TAF4B: variants seen among roughly 807,000 people sequenced by gnomAD.
The protein encoded by TAF4B is TATA-box binding protein associated factor 4b, also known as transcription initiation factor TFIID subunit 4B.
A neutral mutation model predicts 86.4 loss-of-function variants in TAF4B; 38 were observed. The ratio of observed to expected loss-of-function variants is 0.44; its 90% CI spans 0.34 to 0.58. TAF4B has a LOEUF of 0.58. Ranked by LOEUF, TAF4B falls within the 20% of genes least tolerant of loss-of-function variation. The pLI is 0.02. For synonymous variants in TAF4B, 388 were observed against 391.2 expected (o/e 0.99, Z 0.10); for missense variants, 988 against 1,027.6 (o/e 0.96, Z 0.53).
chr18:26,324,510 T>C (rs2056988991), intron 11 of TAF4B, among the ~76,000 whole-genome samples: 1 of 152,216 alleles, frequency 6.6e-6, no homozygotes, highest in Admixed American at 6.5e-5. Flanking sequence ...ATTTATTGAA[T>C]GGCATTCAAA....
At position 26,231,344 on chromosome 18, in the gene TAF4B, GGT is replaced by G. The variant is rs781543630; in HGVS notation, c.343+4069_343+4070del. Among the ~76,000 whole-genome samples, 54 of 60,820 alleles carry G rather than the reference GGT, an allele frequency of 8.9e-4. 1 individual carries two copies. The East Asian group carries it at 9.8e-3, about 11-fold the overall frequency. 39.9% of individuals were successfully genotyped at this position (60,820 alleles called of 152,430 possible). A position where few individuals can be genotyped will look rare whatever the true frequency, so the allele number is the denominator to read the frequency against. On this transcript the variant is annotated intron_variant, in intron 1 of 14. Transcript: ENST00000269142. The stretch of plus-strand genomic sequence containing the variant: ...AGATGTGAGCCACCCAGCTGCTTGG[GGT>G]TTTTTTTTTTTTTTTTTTTTTTTGG...
chr18:26,289,154 T>G (rs538653924), intron 7 of TAF4B, among the ~76,000 whole-genome samples: 142 of 122,686 alleles, frequency 1.2e-3, no homozygotes, highest in African/African-American at 4.1e-3. Context: ...TCAAATAAAC[T>G]AAGTTAGAAA....
At chr18:26,353,504 G>T (rs879789269) in intron 13 of TAF4B, among the ~76,000 whole-genome samples, 3 of 152,216 alleles carry the variant, frequency 2.0e-5, no homozygotes, top group Non-Finnish European at 2.9e-5. Context: ...GCCAAGGCCG[G>T]TGGATAGCTT....
At chr18:26,386,496 C>G (rs1978374880) in intron 14 of TAF4B, among the ~76,000 whole-genome samples, 1 of 152,114 alleles carries the variant, frequency 6.6e-6, no homozygotes, top group Non-Finnish European at 1.5e-5. Context: ...ACAGCATGAA[C>G]ACATTCATGT....
Position 26,306,059 on chromosome 18 carries a change from A to G in TAF4B, c.1833-9170A>G, listed in dbSNP as rs796515916. Among the ~76,000 whole-genome samples the G allele has an allele frequency of 2.0e-5, 3 of 152,266 alleles. No homozygotes were observed. In the South Asian group the frequency reaches 6.2e-4, roughly 31 times the overall value. ...CTCATATTCAGAAAAACTGAATTGC[A>G]AGGATCACGGTCTGTGGTGTTAGGG... On this transcript the variant is annotated intron_variant, in intron 9 of 14. Transcript: ENST00000269142.
At chr18:26,254,906 CCTG>C (rs1165349850) in intron 1 of TAF4B, among the ~76,000 whole-genome samples, 1 of 152,162 alleles carries the variant, frequency 6.6e-6, no homozygotes, top group Non-Finnish European at 1.5e-5. Context: ...CTCAGTCTGT[CCTG>C]CTTAATAATC....
chr18:26,283,773 A>G (rs1247103289), intron 6 of TAF4B, among the ~76,000 whole-genome samples: 1 of 152,182 alleles, frequency 6.6e-6, no homozygotes, highest in African/African-American at 2.4e-5. Context: ...GTCGTTGGCC[A>G]GGCGTGGTGG....
At chr18:26,231,689 G>T (rs768308406) in intron 1 of TAF4B, among the ~76,000 whole-genome samples, 1 of 152,052 alleles carries the variant, frequency 6.6e-6, no homozygotes, top group Admixed American at 6.6e-5. Flanking sequence ...TCCAGAGTTG[G>T]TTCCTTCTGG....
At chr18:26,269,652 T>A (rs1043254129) in intron 3 of TAF4B, among the ~76,000 whole-genome samples, 8 of 152,188 alleles carry the variant, frequency 5.3e-5, no homozygotes, top group Non-Finnish European at 1.0e-4. Flanking sequence ...TTAAACGTAA[T>A]ATTTTTCTAC....
At chr18:26,336,351 G>T (rs1306494022) in intron 13 of TAF4B, among the ~76,000 whole-genome samples, 3 of 152,132 alleles carry the variant, frequency 2.0e-5, no homozygotes, top group Admixed American at 2.0e-4. Flanking sequence ...AGCAGCAGCA[G>T]GTTATTTATG....
intron 10 of TAF4B, among the ~76,000 whole-genome samples, chr18:26,316,664 C>T (rs1455994203): frequency 1.3e-5 from 2 of 152,112 alleles, no homozygotes; most frequent in Admixed American, 1.3e-4. Context: ...GGATTACAGG[C>T]GTGAGCCACC....
intron 7 of TAF4B, among the ~76,000 whole-genome samples, chr18:26,288,621 G>A (rs538243500): frequency 1.7e-4 from 26 of 152,136 alleles, no homozygotes; most frequent in Middle Eastern, 3.4e-3. Flanking sequence ...GGTGACGAGC[G>A]AAACTCGTCA....
chr18:26,298,063 A>G (rs559710000), intron 9 of TAF4B, among the ~76,000 whole-genome samples: 4 of 113,132 alleles, frequency 3.5e-5, no homozygotes, highest in African/African-American at 1.0e-4. Context: ...AATTTTAGCT[A>G]TTCTGGTTTG....
rs180941222 is a variant in TAF4B, at chr18:26,309,632, T to C, written c.1833-5597T>C. 5.1e-3 allele frequency among the ~76,000 whole-genome samples: 776 copies of C among 152,226 alleles called. 2 individuals carry two copies. Among genetic ancestry groups the C allele is most frequent in the Non-Finnish European group, 7.0e-3 (476 of 68,020 alleles). On this transcript the variant is annotated intron_variant, in intron 9 of 14. Coordinates refer to ENST00000269142, the MANE Select transcript of TAF4B (RefSeq NM_005640.3). ...TGTTAATTTTTGTTAAAGTATGTTATTTATGGTAATATATATTTCTTATTT... is the reference window on the plus strand; with the variant it reads ...TGTTAATTTTTGTTAAAGTATGTTACTTATGGTAATATATATTTCTTATTT...
At chr18:26,287,254 T>G (rs1272469578) in intron 7 of TAF4B, among the ~76,000 whole-genome samples, 1 of 152,156 alleles carries the variant, frequency 6.6e-6, no homozygotes, top group Non-Finnish European at 1.5e-5. Context: ...TCCTCTCGAC[T>G]TAGACCTCCC....
Position 26,226,756 on chromosome 18 carries a change from C to A in TAF4B, c.-178C>A. On this transcript the variant is annotated 5_prime_UTR_variant, in exon 1 of 15. Coordinates refer to ENST00000269142, the MANE Select transcript of TAF4B (RefSeq NM_005640.3). ...GCGGACGAGAGGAAGGTCCGGGACG[C>A]GCGTGTCCTGCCGTGCAGCGGGCGC... The A allele has an allele frequency of 2.1e-6, 1 of 479,282 alleles. No homozygotes were observed. Among genetic ancestry groups the A allele is most frequent in the Non-Finnish European group, 3.5e-6 (1 of 286,268 alleles). The allele number at this position is 479,282 out of a possible 1,614,324, so 29.7% of individuals were successfully genotyped here. A position where few individuals can be genotyped will look rare whatever the true frequency, so the allele number is the denominator to read the frequency against.
intron 5 of TAF4B, among the ~76,000 whole-genome samples, chr18:26,281,666 CT>C (rs2056451118): frequency 6.6e-6 from 1 of 152,108 alleles, no homozygotes; most frequent in Non-Finnish European, 1.5e-5. Context: ...ACACGCGTGC[CT>C]TCAATTCTTA....
Position 26,389,860 on chromosome 18 carries a change from C to T in TAF4B, c.2437C>T (p.Leu813Phe), listed in dbSNP as rs200905567. 6.8e-6 allele frequency: 11 copies of T among 1,611,920 alleles called. No individual in the cohort carries two copies. In the Admixed American group the frequency reaches 1.5e-4, roughly 22 times the overall value. ...TTATTTTTAGGGCTTAAAAGACAACCTTCTTGCTTCTGGGACATCCAGCCT... is the reference window on the plus strand; with the variant it reads ...TTATTTTTAGGGCTTAAAAGACAACTTTCTTGCTTCTGGGACATCCAGCCT... ...ESGIEGLKDN[L>F]LASGTSSLTA... Residue 813 changes from leucine to phenylalanine, a missense_variant, in exon 15 of 15, where the codon CTT (leucine) becomes TTT (phenylalanine). Physicochemically the swap from Leu to Phe is conservative, Grantham distance 22. This residue lies in a region of TAF4B where 216 missense variants were observed against 238.4 expected (regional missense o/e 0.91). Coordinates refer to ENST00000269142, the MANE Select transcript of TAF4B (RefSeq NM_005640.3).
intron 9 of TAF4B, among the ~76,000 whole-genome samples, chr18:26,306,905 G>A (rs1453034411): frequency 6.6e-6 from 1 of 152,060 alleles, no homozygotes; most frequent in African/African-American, 2.4e-5. Context: ...AGCCTCCTGA[G>A]TAGCTGGGTC....
Sources: allele counts gnomAD v4.1 joint callset (sites outside exome capture counted in the v4.1 genomes callset), GRCh38; gene constraint gnomAD v4.1.1; regional missense constraint gnomAD v4.1.1; transcripts MANE v1.5; gene names NCBI Gene and HGNC (gene_info 2026-07-23, HGNC 2026-07-21).